USP20: variants seen among roughly 807,000 people sequenced by gnomAD.
USP20 encodes ubiquitin specific peptidase 20, also known as ubiquitin carboxyl-terminal hydrolase 20.
USP20 carries 80 observed loss-of-function variants against 124.2 expected under a neutral mutation model. The observed-to-expected ratio is 0.64, with a 90% CI of 0.54 to 0.78. The LOEUF (loss-of-function observed/expected upper bound fraction) is 0.78. USP20 is among the 30% of genes least tolerant of loss of function. The pLI is 0.00. For missense variants in USP20, 1,043 were observed against 1,244.4 expected, an observed-to-expected ratio of 0.84 and a Z score of 2.44; for synonymous variants, 481 against 512.3, an observed-to-expected ratio of 0.94 and a Z score of 0.83.
At chr9:129,875,684 C>T (rs2034361433) in intron 21 of USP20, 43 bp downstream of exon 21, 1 of 1,582,550 alleles carries the variant, frequency 6.3e-7, no homozygotes, top group Non-Finnish European at 8.7e-7. Flanking sequence ...CTGTCCAGGG[C>T]CCAGCTGGGC....
At position 129,868,411 on chromosome 9, in the gene USP20, C is replaced by T. The variant is rs578165650; in HGVS notation, c.1097C>T (p.Pro366Leu). The T allele has an allele frequency of 1.9e-6, 3 of 1,612,332 alleles. No individual in the cohort carries two copies. The highest frequency in any genetic ancestry group is 2.2e-5 in the South Asian group (2 of 91,052). Reference protein sequence around the residue: ...ALDDQPAEAQPPSPRSSSPCR... With the variant: ...ALDDQPAEAQLPSPRSSSPCR... Reference sequence around the variant, plus strand: ...GACGACCAGCCCGCGGAGGCCCAGCCCCCGTCACCACGGTCCTCCAGCCCC... The same window carrying T: ...GACGACCAGCCCGCGGAGGCCCAGCTCCCGTCACCACGGTCCTCCAGCCCC... The change falls in exon 11 of 26, where the codon CCC becomes CTC. Residue 366 changes from proline to leucine, a missense_variant. Coordinates refer to ENST00000372429, the MANE Select transcript of USP20 (RefSeq NM_001110303.4).
Position 129,879,736 on chromosome 9 carries a change from CA to C in USP20, c.2584+93del. On this transcript the variant is annotated intron_variant, in intron 24 of 25. Coordinates refer to ENST00000372429, the MANE Select transcript of USP20 (RefSeq NM_001110303.4). This position sits in a 1 kb window ranked among gnomAD's most constrained non-coding sequence, Gnocchi z 4.2. ...CCCGTCCTTCCAGGAGCCCCCTTAC[CA>C]CCTGTCTTAGAGTCAGGCTGAGACG... 1 of 1,451,660 alleles carries C rather than the reference CA, an allele frequency of 6.9e-7. No homozygotes were observed. Among genetic ancestry groups the C allele is most frequent in the Non-Finnish European group, 9.6e-7 (1 of 1,040,696 alleles). The allele number at this position is 1,451,660 out of a possible 1,614,324, so 89.9% of individuals were successfully genotyped here.
intron 1 of USP20, among the ~76,000 whole-genome samples, chr9:129,845,160 C>T: frequency 6.6e-6 from 1 of 152,118 alleles, no homozygotes; most frequent in South Asian, 2.1e-4. Flanking sequence ...ATCCAGGTAG[C>T]AGCTTTGGGG....
At chr9:129,866,273 C>A (rs1167430471) in intron 10 of USP20, among the ~76,000 whole-genome samples, 1 of 152,196 alleles carries the variant, frequency 6.6e-6, no homozygotes, top group Non-Finnish European at 1.5e-5. Flanking sequence ...TCTGCTGGGC[C>A]TTTGGCTCCT....
chr9:129,874,905 A>T lies in USP20; in HGVS notation c.1998A>T (p.Glu666Asp). Reference protein sequence around the residue: ...WYEFDDQYVTEVHETVVQNAE... With the variant: ...WYEFDDQYVTDVHETVVQNAE... ...AGTTTGATGACCAGTACGTCACAGAAGTCCACGAGACGGTGGTGCAGAACG... is the reference window on the plus strand; with the variant it reads ...AGTTTGATGACCAGTACGTCACAGATGTCCACGAGACGGTGGTGCAGAACG... The change falls in exon 19 of 26, where the codon GAA becomes GAT. Residue 666 changes from glutamate (E) to aspartate (D), a missense_variant. By Grantham distance (45) the Glu-to-Asp change is conservative. Transcript: ENST00000372429. The T allele has an allele frequency of 6.2e-7, 1 of 1,614,122 alleles. No homozygotes were observed. Among genetic ancestry groups the T allele is most frequent in the Non-Finnish European group, 8.5e-7 (1 of 1,180,026 alleles).
At chr9:129,861,101 C>T (rs554613374) in intron 7 of USP20, 68 bp downstream of exon 7, 210 of 1,441,876 alleles carry the variant, frequency 1.5e-4, no homozygotes, top group South Asian at 1.0e-3. Context: ...GGCTGGAAAC[C>T]GCCAGAGTCT....
At position 129,880,248 on chromosome 9, in the gene USP20, T is replaced by C. The variant is rs2034584612; in HGVS notation, c.2720T>C (p.Ile907Thr). Reference sequence around the variant, plus strand: ...GAGAACCTGCACGGGGAGCAGAAGATCGAAGCCGAGACGCGGGCCGTGTGA... The same window carrying C: ...GAGAACCTGCACGGGGAGCAGAAGACCGAAGCCGAGACGCGGGCCGTGTGA... ...GPENLHGEQKIEAETRAV is the reference protein window; with the variant it reads ...GPENLHGEQKTEAETRAV Residue 907 changes from isoleucine (I) to threonine (T), a missense_variant, in exon 25 of 26, where the codon ATC (isoleucine) becomes ACC (threonine). Ile to Thr is a moderately conservative substitution (Grantham distance 89). Coordinates refer to ENST00000372429, the MANE Select transcript of USP20 (RefSeq NM_001110303.4). 1.2e-6 allele frequency: 2 copies of C among 1,609,510 alleles called. No individual in the cohort carries two copies. The highest frequency in any genetic ancestry group is 2.7e-5 in the African/African-American group (2 of 74,886).
intron 3 of USP20, among the ~76,000 whole-genome samples, chr9:129,854,101 G>A (rs1267107619): frequency 6.6e-6 from 1 of 152,200 alleles, no homozygotes; most frequent in East Asian, 1.9e-4. Context: ...TATGGATATT[G>A]CTAATGAAAT....
At chr9:129,853,889 G>C (rs962198854) in intron 3 of USP20, among the ~76,000 whole-genome samples, 3 of 152,142 alleles carry the variant, frequency 2.0e-5, no homozygotes, top group African/African-American at 7.2e-5. Context: ...TCAGAGACTG[G>C]GCTTGTCTGG....
At position 129,875,792 on chromosome 9, in the gene USP20, T is replaced by C. The variant is rs961591131; in HGVS notation, c.2300+151T>C. ...CACAGAGCCGCCTTCACTTGTCTCA[T>C]GGAGAATGACACATGTCGTTTGTGG... On this transcript the variant is annotated intron_variant, in intron 21 of 25. Transcript: ENST00000372429. 29 of 728,490 alleles carry C rather than the reference T, an allele frequency of 4.0e-5. 1 individual carries two copies. Among genetic ancestry groups the C allele is most frequent in the Non-Finnish European group, 5.4e-5 (25 of 458,896 alleles). 45.1% of individuals were successfully genotyped at this position (728,490 alleles called of 1,614,324 possible). A position where few individuals can be genotyped will look rare whatever the true frequency, so the allele number is the denominator to read the frequency against.
intron 10 of USP20, among the ~76,000 whole-genome samples, chr9:129,866,194 G>A (rs561074000): frequency 6.0e-4 from 82 of 136,168 alleles, no homozygotes; most frequent in Non-Finnish European, 8.3e-4. Flanking sequence ...CACCATGGAC[G>A]GAGTGGCAGT....
At chr9:129,841,681 G>A (rs538384989) in intron 1 of USP20, among the ~76,000 whole-genome samples, 10 of 152,298 alleles carry the variant, frequency 6.6e-5, no homozygotes, top group African/African-American at 2.4e-4. Context: ...AGGAATGGGG[G>A]TTCAGAAGCG....
intron 1 of USP20, among the ~76,000 whole-genome samples, chr9:129,843,573 A>G (rs1040998621): frequency 1.3e-5 from 2 of 151,898 alleles, no homozygotes; most frequent in African/African-American, 4.8e-5. Flanking sequence ...CATCTCTACT[A>G]AAAATCCAAA....
intron 12 of USP20, 147 bp downstream of exon 12, chr9:129,869,149 G>A (rs947867485): frequency 1.2e-5 from 16 of 1,382,594 alleles, no homozygotes; most frequent in African/African-American, 2.9e-5. Context: ...TGGGAGCCAC[G>A]TTTTGCAGAG....
At chr9:129,851,293 T>A (rs2131048736) in intron 2 of USP20, among the ~76,000 whole-genome samples, 1 of 147,098 alleles carries the variant, frequency 6.8e-6, no homozygotes, top group Non-Finnish European at 1.5e-5. Context: ...GAGGTCTTGC[T>A]CTGTCACCCA....
chr9:129,855,430 C>CA (rs199707935), intron 3 of USP20, among the ~76,000 whole-genome samples: 5 of 35,678 alleles, frequency 1.4e-4, no homozygotes, highest in Middle Eastern at 0.011. Context: ...GACTCCATCT[C>CA]AAAACAAAAA....
intron 22 of USP20, among the ~76,000 whole-genome samples, chr9:129,877,962 C>T (rs187853516): frequency 2.8e-4 from 43 of 152,148 alleles, no homozygotes; most frequent in Non-Finnish European, 5.7e-4. Flanking sequence ...ATCCCAGCTA[C>T]TCAAGAGGCT....
chr9:129,850,275 A>G (rs1449078438), intron 2 of USP20, among the ~76,000 whole-genome samples: 1 of 151,754 alleles, frequency 6.6e-6, no homozygotes, highest in African/African-American at 2.4e-5. Context: ...TGCTTTTCAC[A>G]TTTACATTTT....
intron 22 of USP20, 90 bp downstream of exon 22, chr9:129,876,328 C>A: frequency 8.9e-7 from 1 of 1,121,662 alleles, no homozygotes; most frequent in Non-Finnish European, 1.3e-6. Context: ...CTGTGCAGTC[C>A]CTGAGCAAGT....
Sources: allele counts gnomAD v4.1 joint callset (sites outside exome capture counted in the v4.1 genomes callset), GRCh38; gene constraint gnomAD v4.1.1; non-coding constraint Gnocchi (gnomAD v3.1); transcripts MANE v1.5; gene names NCBI Gene and HGNC (gene_info 2026-07-23, HGNC 2026-07-21).